The following ROBO2 variants were observed in gnomAD, a reference collection of about 807,000 sequenced individuals.
ROBO2 encodes the protein roundabout homolog 2.
A neutral mutation model predicts 160.8 loss-of-function variants in ROBO2; 53 were observed. The ratio of observed to expected loss-of-function variants is 0.33; its 90% confidence interval spans 0.26 to 0.41. The LOEUF (loss-of-function observed/expected upper bound fraction) is 0.41, where lower values mean the gene tolerates loss of function less well. ROBO2 is among the 10% of genes least tolerant of loss of function. The pLI, the probability that ROBO2 is intolerant of heterozygous loss-of-function variation, is 1.00. For missense variants in ROBO2, 1,577 were observed against 1,722.4 expected, an observed-to-expected ratio of 0.92 and a Z score of 1.49; for synonymous variants, 664 against 611.7, an observed-to-expected ratio of 1.09 and a Z score of -1.26.
At chr3:76,178,473 T>C (rs1353932577) in intron 2 of ROBO2, among the ~76,000 whole-genome samples, 1 of 152,154 alleles carries the variant, frequency 6.6e-6, no homozygotes, top group Non-Finnish European at 1.5e-5. Flanking sequence ...GTGAAGCTTA[T>C]TATACATTAT....
intron 2 of ROBO2, among the ~76,000 whole-genome samples, chr3:77,463,533 T>G (rs2082455058): frequency 6.6e-6 from 1 of 151,816 alleles, no homozygotes; most frequent in Admixed American, 6.6e-5. Context: ...CCTGAAAAAT[T>G]TTATATATGG....
At chr3:77,576,216 T>C (rs1016341378) in intron 14 of ROBO2, among the ~76,000 whole-genome samples, 1 of 152,104 alleles carries the variant, frequency 6.6e-6, no homozygotes, top group Non-Finnish European at 1.5e-5. Flanking sequence ...CAAAGAGGAA[T>C]AGGAAAGACC....
chr3:75,937,364 G>T (rs1947829589), intron 1 of ROBO2: 1 of 431,564 alleles, frequency 2.3e-6, no homozygotes, highest in African/African-American at 2.0e-5. Flanking sequence ...GTACCTCCTT[G>T]TAAGCAGGAT....
chr3:76,178,189 A>G (rs1010170087), intron 2 of ROBO2, among the ~76,000 whole-genome samples: 1 of 152,176 alleles, frequency 6.6e-6, no homozygotes, highest in South Asian at 2.1e-4. Context: ...CTTACCATCC[A>G]CAATATTCAC....
chr3:76,257,028 C>T (rs962898287), intron 2 of ROBO2, among the ~76,000 whole-genome samples: 2 of 151,980 alleles, frequency 1.3e-5, no homozygotes, highest in African/African-American at 2.4e-5. Context: ...TCTGTCCCCA[C>T]GACCCAAGCC....
chr3:77,057,999 A>AG (rs1471423223), intron 1 of ROBO2, among the ~76,000 whole-genome samples: 4 of 152,182 alleles, frequency 2.6e-5, no homozygotes, highest in Non-Finnish European at 5.9e-5. Flanking sequence ...TTAAAAAAAA[A>AG]GAAAAACATG....
At position 76,925,255 on chromosome 3, in the gene ROBO2, A is replaced by G. The variant is rs565201322; in HGVS notation, c.110-172759A>G. 8.6e-5 allele frequency among the ~76,000 whole-genome samples: 13 copies of G among 151,750 alleles called. No individual in the cohort carries two copies. The South Asian group carries it at 1.7e-3, about 19-fold the overall frequency. ...AATCTGGTTTGCTTTTCTAAACCTC[A>G]ATAAAATAAATATTTGTTGGATAGA... On this transcript the variant is annotated intron_variant, in intron 2 of 26. Coordinates refer to the ROBO2 transcript ENST00000487694.
chr3:76,965,783 G>GTATATATATATATATATA (rs1392105349), intron 2 of ROBO2, among the ~76,000 whole-genome samples: 33 of 68,010 alleles, frequency 4.9e-4, no homozygotes, highest in African/African-American at 2.9e-3. Context: ...TATTGTGTTT[G>GTATATATATATATATATA]TGTATATATA....
chr3:77,458,311 T>C (rs899725959), intron 2 of ROBO2, among the ~76,000 whole-genome samples: 3 of 152,212 alleles, frequency 2.0e-5, no homozygotes, highest in African/African-American at 4.8e-5. Flanking sequence ...ATAAGAATTA[T>C]GTGACTCTGA....
intron 2 of ROBO2, among the ~76,000 whole-genome samples, chr3:76,894,017 A>G (rs569346655): frequency 1.1e-4 from 16 of 152,252 alleles, no homozygotes; most frequent in African/African-American, 3.6e-4. Context: ...CTGATATGGA[A>G]AAGTTTGCTC....
At chr3:77,499,608 T>C (rs1029168254) in intron 5 of ROBO2, among the ~76,000 whole-genome samples, 3 of 151,024 alleles carry the variant, frequency 2.0e-5, no homozygotes, top group African/African-American at 7.3e-5. Flanking sequence ...ATGATTTCCA[T>C]AGAAACATAT....
chr3:77,309,231 C>CAT (rs2063345438), intron 2 of ROBO2, among the ~76,000 whole-genome samples: 1 of 152,080 alleles, frequency 6.6e-6, no homozygotes, highest in African/African-American at 2.4e-5. Flanking sequence ...CTAAGCTTTA[C>CAT]ATATATATAC....
At chr3:76,900,493 C>T (rs1315924552) in intron 2 of ROBO2, among the ~76,000 whole-genome samples, 3 of 152,072 alleles carry the variant, frequency 2.0e-5, no homozygotes, top group Admixed American at 6.6e-5. Context: ...GTGCATAAAT[C>T]CTGGATTATC....
chr3:77,442,958 A>C (rs2080104730), intron 2 of ROBO2, among the ~76,000 whole-genome samples: 1 of 152,204 alleles, frequency 6.6e-6, no homozygotes, highest in Non-Finnish European at 1.5e-5. Context: ...GATTGCTTGC[A>C]CATATGGTGG....
At chr3:76,223,278 A>G (rs772199636) in intron 2 of ROBO2, among the ~76,000 whole-genome samples, 3 of 151,930 alleles carry the variant, frequency 2.0e-5, no homozygotes, top group Admixed American at 1.3e-4. Context: ...GCATTATTTT[A>G]TATTCCAACT....
intron 2 of ROBO2, among the ~76,000 whole-genome samples, chr3:76,634,104 T>G (rs2090180260): frequency 6.6e-6 from 1 of 152,218 alleles, no homozygotes; most frequent in Admixed American, 6.5e-5. Context: ...AACAGAAATT[T>G]ATTTTCTCAC....
intron 2 of ROBO2, among the ~76,000 whole-genome samples, chr3:76,106,719 A>G (rs1431401180): frequency 1.3e-5 from 2 of 152,162 alleles, no homozygotes; most frequent in Non-Finnish European, 2.9e-5. Flanking sequence ...GAGCATTTAC[A>G]TTTTGGAAAA....
intron 2 of ROBO2, among the ~76,000 whole-genome samples, chr3:76,516,446 C>T (rs147258586): frequency 9.5e-4 from 145 of 152,174 alleles, no homozygotes; most frequent in African/African-American, 3.4e-3. Context: ...AACACATTGT[C>T]GTATTGAGTT....
chr3:77,219,253 C>T (rs535570415), intron 2 of ROBO2, among the ~76,000 whole-genome samples: 10 of 151,720 alleles, frequency 6.6e-5, no homozygotes, highest in Admixed American at 5.3e-4. Context: ...TACAGACAGG[C>T]GTGAGCCACC....
Sources: gnomAD v4.1 joint callset for allele counts (sites outside exome capture counted in the v4.1 genomes callset) on GRCh38, gnomAD v4.1.1 for gene constraint, MANE v1.5 for transcripts, NCBI Gene and HGNC (gene_info 2026-07-23, HGNC 2026-07-21) for gene names.